Variants in PUDP observed in about 807,000 individuals in gnomAD.
PUDP encodes the protein pseudouridine 5'-phosphatase.
A neutral mutation model predicts 9.4 loss-of-function variants in PUDP; 8 were observed. That is an observed-to-expected ratio of 0.85 (90% CI 0.50 to 1.53). PUDP has a LOEUF of 1.53. Among genes scored for constraint, PUDP ranks in the 40% most tolerant of loss-of-function variants. The pLI is 0.00. For synonymous variants in PUDP, 99 were observed against 80.7 expected (o/e 1.23, Z -1.22); for missense variants, 188 against 189.7 (o/e 0.99, Z 0.05).
intron 3 of PUDP, among the ~76,000 whole-genome samples, chrX:6,865,946 A>T (rs1344082958): frequency 9.0e-6 from 1 of 111,544 alleles, no homozygotes; most frequent in African/African-American, 3.3e-5. Context: ...TTTAAGAGAC[A>T]GTTTCTCTCT....
chrX:7,042,405 T>C (rs1304834675), intron 1 of PUDP, among the ~76,000 whole-genome samples: 1 of 111,817 alleles, frequency 8.9e-6, no homozygotes, highest in African/African-American at 3.3e-5. Flanking sequence ...ATCTATCTAC[T>C]CTCCAAATTA....
chrX:7,051,191 T>C (rs1363857700), intron 3 of PUDP, among the ~76,000 whole-genome samples: 2 of 111,248 alleles, frequency 1.8e-5, no homozygotes, highest in Admixed American at 9.6e-5. Flanking sequence ...ATGAGGCATA[T>C]ATACACCATG....
At chrX:7,044,667 G>A (rs1396843484), downstream of PUDP, among the ~76,000 whole-genome samples, 2 of 112,398 alleles carry the variant, frequency 1.8e-5, no homozygotes, top group South Asian at 3.7e-4. Flanking sequence ...AGAAAAGAGT[G>A]TAGCAAAAGC....
intron 1 of PUDP, among the ~76,000 whole-genome samples, chrX:6,707,097 G>T (rs56201539): frequency 0.21 from 23,459 of 110,985 alleles, 2,370 homozygotes; most frequent in Non-Finnish European, 0.31. Context: ...CTGTTAATTT[G>T]TCTTTTGCCA....
chrX:6,757,720 G>A (rs894194015), intron 3 of PUDP, among the ~76,000 whole-genome samples: 2 of 112,191 alleles, frequency 1.8e-5, no homozygotes, highest in Admixed American at 1.9e-4. Flanking sequence ...AGAGAGAGAT[G>A]TCACTGGGCA....
intron 3 of PUDP, among the ~76,000 whole-genome samples, chrX:6,900,786 GT>G (rs1271139670): frequency 2.8e-5 from 3 of 106,668 alleles, no homozygotes; most frequent in African/African-American, 1.0e-4. Flanking sequence ...GTTTTGTTTT[GT>G]TTTGTTTTTG....
chrX:6,955,798 A>G (rs1001833008), intron 3 of PUDP, among the ~76,000 whole-genome samples: 2 of 111,799 alleles, frequency 1.8e-5, no homozygotes, highest in Non-Finnish European at 3.8e-5. Context: ...GTTAAGAATA[A>G]TTTAAACTCC....
At chrX:6,875,349 C>T (rs1366795116) in intron 3 of PUDP, among the ~76,000 whole-genome samples, 1 of 111,910 alleles carries the variant, frequency 8.9e-6, no homozygotes, top group Admixed American at 9.5e-5. Context: ...CTGCACCCGG[C>T]CCAAAGGACT....
chrX:6,994,304 T>C (rs1238896703), intron 1 of PUDP, among the ~76,000 whole-genome samples: 1 of 111,628 alleles, frequency 9.0e-6, no homozygotes, highest in Non-Finnish European at 1.9e-5. Flanking sequence ...TCGCAGCTAC[T>C]TGGGAGGCTG....
intron 3 of PUDP, among the ~76,000 whole-genome samples, chrX:7,076,659 G>A (rs1930914619): frequency 8.9e-6 from 1 of 111,914 alleles, no homozygotes; most frequent in Admixed American, 9.5e-5. Flanking sequence ...GCCGTGGTGC[G>A]GGACAGGGGG....
At chrX:6,711,139 A>G (rs747939245) in intron 1 of PUDP, among the ~76,000 whole-genome samples, 2 of 111,967 alleles carry the variant, frequency 1.8e-5, no homozygotes, top group South Asian at 7.5e-4. Context: ...AAATGGCGCA[A>G]ACATTTATTT....
intron 1 of PUDP, among the ~76,000 whole-genome samples, chrX:6,993,382 T>A (rs1428050333): frequency 8.9e-6 from 1 of 111,794 alleles, no homozygotes; most frequent in African/African-American, 3.3e-5. Flanking sequence ...TAACAAAATG[T>A]AACGAAATGT....
chrX:6,920,358 C>A (rs1928003446), intron 3 of PUDP, among the ~76,000 whole-genome samples: 1 of 111,046 alleles, frequency 9.0e-6, no homozygotes, highest in Non-Finnish European at 1.9e-5. Context: ...CTCTTGATAT[C>A]CTTGGTCTGA....
chrX:6,909,547 T>C (rs942615072), intron 3 of PUDP, among the ~76,000 whole-genome samples: 2 of 112,141 alleles, frequency 1.8e-5, no homozygotes, highest in South Asian at 3.8e-4. Context: ...TTTTGGCACA[T>C]AGCCATGCCC....
At chrX:6,828,503 C>T (rs1926458047) in intron 3 of PUDP, among the ~76,000 whole-genome samples, 1 of 111,733 alleles carries the variant, frequency 8.9e-6, no homozygotes, top group Non-Finnish European at 1.9e-5. Context: ...CAACATCCTC[C>T]AGCACAGTAG....
At chrX:7,057,425 A>G (rs1191576874) in intron 3 of PUDP, among the ~76,000 whole-genome samples, 1 of 110,064 alleles carries the variant, frequency 9.1e-6, no homozygotes, top group Non-Finnish European at 1.9e-5. Context: ...TCAGCATCTG[A>G]ATTGGGGGAG....
At chrX:6,785,117 C>A (rs962476212) in intron 3 of PUDP, among the ~76,000 whole-genome samples, 1 of 112,351 alleles carries the variant, frequency 8.9e-6, no homozygotes, top group African/African-American at 3.2e-5. Context: ...CAGAGACGCA[C>A]GTGATCACAT....
chrX:6,922,115 G>T (rs1928033054), intron 3 of PUDP, among the ~76,000 whole-genome samples: 1 of 110,682 alleles, frequency 9.0e-6, no homozygotes, highest in African/African-American at 3.3e-5. Context: ...GAAGAGTAGG[G>T]GGATGCTGGG....
intron 3 of PUDP, among the ~76,000 whole-genome samples, chrX:7,068,751 G>A (rs927271759): frequency 8.9e-6 from 1 of 111,998 alleles, no homozygotes; most frequent in African/African-American, 3.2e-5. Flanking sequence ...AGTGTTGGCC[G>A]TGTTTTCAGA....
Sources: allele counts gnomAD v4.1 joint callset (sites outside exome capture counted in the v4.1 genomes callset), GRCh38; gene constraint gnomAD v4.1.1; transcripts MANE v1.5; gene names NCBI Gene and HGNC (gene_info 2026-07-23, HGNC 2026-07-21).